The following GRIK1 variants were observed in gnomAD, a reference collection of about 807,000 sequenced individuals.
GRIK1 encodes glutamate ionotropic receptor kainate type subunit 1.
GRIK1 carries 69 observed loss-of-function variants against 105.7 expected under a neutral mutation model. The ratio of observed to expected loss-of-function variants is 0.65; its 90% CI spans 0.54 to 0.80. The LOEUF (loss-of-function observed/expected upper bound fraction) is 0.80. GRIK1 is among the 30% of genes least tolerant of loss of function. The pLI, the probability that GRIK1 is intolerant of heterozygous loss-of-function variation, is 0.00. For synonymous variants in GRIK1, 438 were observed against 431.3 expected (o/e 1.02, Z -0.19); for missense variants, 1,109 against 1,167.3 (o/e 0.95, Z 0.73).
At chr21:29,674,062 G>GTT (rs67796581) in intron 3 of GRIK1, among the ~76,000 whole-genome samples, 2 of 143,464 alleles carry the variant, frequency 1.4e-5, no homozygotes, top group Admixed American at 6.9e-5. Flanking sequence ...GAAAAATTGA[G>GTT]TTTTTTTTTT....
At chr21:29,812,315 T>G (rs2067033108) in intron 1 of GRIK1, among the ~76,000 whole-genome samples, 1 of 152,154 alleles carries the variant, frequency 6.6e-6, no homozygotes, top group Admixed American at 6.6e-5. Flanking sequence ...ATGTTCTAAT[T>G]ATGCTGATTA....
At chr21:29,860,772 T>C (rs2146089561) in intron 1 of GRIK1, among the ~76,000 whole-genome samples, 1 of 152,246 alleles carries the variant, frequency 6.6e-6, no homozygotes, top group African/African-American at 2.4e-5. Context: ...CAAAAGAACA[T>C]CTAGATCCAT....
intron 1 of GRIK1, among the ~76,000 whole-genome samples, chr21:29,745,801 T>C (rs1210051315): frequency 6.6e-6 from 1 of 152,208 alleles, no homozygotes; most frequent in East Asian, 1.9e-4. Context: ...ACTTTGTATT[T>C]CTTAAAATTG....
chr21:29,730,666 A>G (rs1414846450), intron 1 of GRIK1, among the ~76,000 whole-genome samples: 1 of 152,052 alleles, frequency 6.6e-6, no homozygotes, highest in Non-Finnish European at 1.5e-5. Context: ...TCTCTTCCTC[A>G]GCCTGCTCCA....
intron 4 of GRIK1, among the ~76,000 whole-genome samples, chr21:29,669,531 C>A (rs1039607093): frequency 2.6e-5 from 4 of 152,130 alleles, no homozygotes; most frequent in African/African-American, 9.7e-5. Flanking sequence ...GCTTGGGGGC[C>A]CTTCAGAGTA....
chr21:29,752,310 T>C (rs1275199883), intron 1 of GRIK1, among the ~76,000 whole-genome samples: 1 of 152,220 alleles, frequency 6.6e-6, no homozygotes, highest in African/African-American at 2.4e-5. Flanking sequence ...AGCTTTCCTG[T>C]TCAGTCACTT....
At chr21:29,743,970 T>G (rs888142731) in intron 1 of GRIK1, among the ~76,000 whole-genome samples, 3 of 152,134 alleles carry the variant, frequency 2.0e-5, no homozygotes, top group Admixed American at 1.3e-4. Flanking sequence ...GAAGAATAAC[T>G]AATGGGTACT....
At chr21:29,591,307 A>C in intron 9 of GRIK1, 82 bp from the exon 10 acceptor site, 1 of 837,144 alleles carries the variant, frequency 1.2e-6, no homozygotes. Context: ...TCTACCAGGA[A>C]TGGGCACAAA....
chr21:29,757,656 G>A (rs1376322636), intron 1 of GRIK1, among the ~76,000 whole-genome samples: 1 of 152,172 alleles, frequency 6.6e-6, no homozygotes, highest in Non-Finnish European at 1.5e-5. Context: ...AGCTTATCGA[G>A]TGTGTACCAG....
chr21:29,556,386 T>G (rs79539106), intron 15 of GRIK1, among the ~76,000 whole-genome samples: 67 of 152,316 alleles, frequency 4.4e-4, no homozygotes, highest in African/African-American at 1.5e-3. Context: ...GATGACCACC[T>G]TGCAGATTGT....
chr21:29,594,480 T>C (rs1371867073), intron 9 of GRIK1, among the ~76,000 whole-genome samples: 3 of 151,954 alleles, frequency 2.0e-5, no homozygotes, highest in South Asian at 4.1e-4. Flanking sequence ...AGTAGTCATT[T>C]ACCAGTGAGA....
intron 16 of GRIK1, among the ~76,000 whole-genome samples, chr21:29,544,655 A>G (rs1035472293): frequency 9.2e-5 from 14 of 152,236 alleles, no homozygotes; most frequent in African/African-American, 3.4e-4. Context: ...AAGACGCTGC[A>G]GTCTTTGAAG....
intron 9 of GRIK1, among the ~76,000 whole-genome samples, chr21:29,594,665 T>A (rs181357925): frequency 0.033 from 5,042 of 152,260 alleles, 130 homozygotes; most frequent in Non-Finnish European, 0.05. Context: ...AAACTTTTTT[T>A]AAAAAGCGAT....
chr21:29,825,081 C>T, intron 1 of GRIK1, among the ~76,000 whole-genome samples: 1 of 151,912 alleles, frequency 6.6e-6, no homozygotes, highest in East Asian at 1.9e-4. Flanking sequence ...AGATTAGAGC[C>T]AGAGACACTT....
intron 3 of GRIK1, among the ~76,000 whole-genome samples, chr21:29,680,491 A>C (rs1357811158): frequency 1.3e-5 from 2 of 152,106 alleles, no homozygotes; most frequent in Non-Finnish European, 2.9e-5. Flanking sequence ...GCCTCTGTAG[A>C]GTGTACAGTG....
chr21:29,553,671 G>A, intron 16 of GRIK1: 1 of 1,603,460 alleles, frequency 6.2e-7, no homozygotes, highest in Non-Finnish European at 8.5e-7. Context: ...GGATGGGTTT[G>A]CTTACATTGC....
intron 1 of GRIK1, among the ~76,000 whole-genome samples, chr21:29,736,419 A>G (rs2064793036): frequency 6.6e-6 from 1 of 151,956 alleles, no homozygotes; most frequent in Admixed American, 6.6e-5. Context: ...TGTAGAGACA[A>G]GGTGTCACTG....
chr21:29,698,301 T>C (rs77136323), intron 1 of GRIK1, among the ~76,000 whole-genome samples: 327 of 152,266 alleles, frequency 2.1e-3, no homozygotes, highest in African/African-American at 7.8e-3. Flanking sequence ...ATGTGGACCA[T>C]GGAAGGGTTA....
intron 1 of GRIK1, among the ~76,000 whole-genome samples, chr21:29,753,482 C>T (rs1342677723): frequency 6.6e-6 from 1 of 152,178 alleles, no homozygotes; most frequent in Admixed American, 6.5e-5. Flanking sequence ...GGACTCTCCG[C>T]AGATGGGGCC....
Sources: allele counts gnomAD v4.1 joint callset (sites outside exome capture counted in the v4.1 genomes callset), GRCh38; gene constraint gnomAD v4.1.1; transcripts MANE v1.5; gene names NCBI Gene and HGNC (gene_info 2026-07-23, HGNC 2026-07-21).